Variants in DNER observed in about 807,000 individuals in gnomAD.
DNER encodes delta and Notch-like epidermal growth factor-related receptor.
In DNER, 33 loss-of-function variants were observed where a neutral mutation model predicts 78.2. The observed-to-expected ratio is 0.42, with a 90% confidence interval of 0.32 to 0.56. DNER has a LOEUF of 0.56. Ranked by LOEUF, DNER falls within the 20% of genes least tolerant of loss-of-function variation. DNER has a pLI of 0.11. For synonymous variants in DNER, 417 were observed against 384.8 expected (o/e 1.08, Z -0.98); for missense variants, 918 against 975.3 (o/e 0.94, Z 0.78).
At position 229,492,732 on chromosome 2, in the gene DNER, A is replaced by T. The variant is rs570422277; in HGVS notation, c.1148-15479T>A. Among the ~76,000 whole-genome samples the T allele has an allele frequency of 1.2e-4, 18 of 152,284 alleles. 1 individual carries two copies. In the South Asian group the frequency reaches 3.7e-3, roughly 32 times the overall value. On this transcript the variant is annotated intron_variant, in intron 6 of 12. Coordinates refer to ENST00000341772, the MANE Select transcript of DNER (RefSeq NM_139072.4). ...CACCCAGGTTGGAGTGCAGTAGCAC[A>T]ATCATAGTTCACTGCAGCCTCAAAC... is the stretch of plus-strand genomic sequence containing the variant.
rs193030218 is a variant in DNER at position 229,534,615 on chromosome 2, A to G, written c.993+12332T>C. On this transcript the variant is annotated intron_variant, in intron 5 of 12. Transcript: ENST00000341772. ...TGTATTTTCTTCTTAGACTTCAACC[A>G]AAACAACATACTGCAACAGATTGAA... Among the ~76,000 whole-genome samples the G allele has an allele frequency of 3.1e-3, 471 of 152,362 alleles. 5 individuals are homozygous for G. Among genetic ancestry groups the G allele is most frequent in the African/African-American group, 0.011 (454 of 41,588 alleles).
intron 6 of DNER, among the ~76,000 whole-genome samples, chr2:229,508,425 A>T (rs73103783): frequency 6.6e-6 from 1 of 152,182 alleles, no homozygotes; most frequent in African/African-American, 2.4e-5. Context: ...GAACTCCAAC[A>T]CTATGGATGT....
At chr2:229,473,976 G>T (rs1694981796) in intron 7 of DNER, among the ~76,000 whole-genome samples, 1 of 152,110 alleles carries the variant, frequency 6.6e-6, no homozygotes, top group African/African-American at 2.4e-5. Flanking sequence ...CACAATCTCG[G>T]TTCACTGCAA....
intron 6 of DNER, among the ~76,000 whole-genome samples, chr2:229,497,423 G>A (rs1695521628): frequency 6.6e-6 from 1 of 151,330 alleles, no homozygotes. Flanking sequence ...GTTAATATAA[G>A]GAAGGAAATA....
intron 11 of DNER, among the ~76,000 whole-genome samples, chr2:229,386,656 T>C (rs138669132): frequency 0.03 from 4,454 of 147,800 alleles, 96 homozygotes; most frequent in African/African-American, 0.061. Flanking sequence ...CATCAAAAAG[T>C]GGGCAAAAGG....
chr2:229,578,251 T>C (rs1216118515), intron 4 of DNER, among the ~76,000 whole-genome samples: 2 of 152,150 alleles, frequency 1.3e-5, no homozygotes, highest in Admixed American at 6.5e-5. Flanking sequence ...ATCTCGTCCC[T>C]ATCACCCTGA....
intron 1 of DNER, among the ~76,000 whole-genome samples, chr2:229,617,770 A>G (rs147803465): frequency 0.022 from 3,345 of 151,952 alleles, 50 homozygotes; most frequent in Middle Eastern, 0.034. Flanking sequence ...CCTGAGCAAC[A>G]TGGCAAACCC....
At chr2:229,362,651 G>T (rs2106324522) in intron 12 of DNER, among the ~76,000 whole-genome samples, 1 of 152,334 alleles carries the variant, frequency 6.6e-6, no homozygotes, top group East Asian at 1.9e-4. Flanking sequence ...ATTCTTGTGA[G>T]ATGCTTGCCA....
At chr2:229,632,575 A>G (rs548156696) in intron 1 of DNER, among the ~76,000 whole-genome samples, 2 of 152,336 alleles carry the variant, frequency 1.3e-5, no homozygotes, top group Non-Finnish European at 2.9e-5. Flanking sequence ...GCAGGATGGG[A>G]GGCTGGAGCA....
chr2:229,693,911 A>G (rs565808014), intron 1 of DNER, among the ~76,000 whole-genome samples: 15 of 152,242 alleles, frequency 9.9e-5, no homozygotes, highest in Admixed American at 7.2e-4. Context: ...AACAATGGGA[A>G]AAATGTCTCC....
chr2:229,489,336 G>A (rs1695344716), intron 6 of DNER, among the ~76,000 whole-genome samples: 1 of 152,246 alleles, frequency 6.6e-6, no homozygotes, highest in African/African-American at 2.4e-5. Context: ...AGATAACTGA[G>A]ATGAGGGCGG....
intron 4 of DNER, among the ~76,000 whole-genome samples, chr2:229,574,410 A>G (rs181008138): frequency 9.8e-5 from 15 of 152,332 alleles, no homozygotes; most frequent in African/African-American, 1.2e-4. Flanking sequence ...ACCCTATACC[A>G]CCACAAAGAA....
At chr2:229,701,010 T>A (rs1002714108) in intron 1 of DNER, among the ~76,000 whole-genome samples, 4 of 152,184 alleles carry the variant, frequency 2.6e-5, no homozygotes, top group African/African-American at 9.7e-5. Context: ...CATATAAAAG[T>A]ATTTACATAG....
At chr2:229,407,630 A>G (rs1366508073) in intron 9 of DNER, among the ~76,000 whole-genome samples, 1 of 152,256 alleles carries the variant, frequency 6.6e-6, no homozygotes, top group Non-Finnish European at 1.5e-5. Flanking sequence ...AGAAAGTTAA[A>G]AGCCTGAAAG....
At chr2:229,507,316 T>TTGTACA (rs1274631695) in intron 6 of DNER, among the ~76,000 whole-genome samples, 3 of 151,638 alleles carry the variant, frequency 2.0e-5, no homozygotes, top group Non-Finnish European at 4.4e-5. Context: ...ATTGTTACTG[T>TTGTACA]TGTACATGTA....
intron 1 of DNER, among the ~76,000 whole-genome samples, chr2:229,644,911 C>A (rs113267574): frequency 1.3e-3 from 196 of 152,288 alleles, no homozygotes; most frequent in Admixed American, 2.7e-3. Context: ...CTGTTGACAT[C>A]TGCAGGGTGT....
chr2:229,402,144 G>GGA (rs398039886), intron 10 of DNER, among the ~76,000 whole-genome samples: 3 of 57,832 alleles, frequency 5.2e-5, no homozygotes, highest in Non-Finnish European at 1.0e-4. Flanking sequence ...AACCATAAAA[G>GGA]AAAAAAAATT....
chr2:229,517,337 T>C (rs961749014), intron 5 of DNER, among the ~76,000 whole-genome samples: 3 of 151,932 alleles, frequency 2.0e-5, no homozygotes, highest in East Asian at 3.9e-4. Flanking sequence ...AATGAGAAAG[T>C]GGTATAGTAA....
chr2:229,398,390 T>C (rs1693195956), intron 10 of DNER, among the ~76,000 whole-genome samples: 1 of 152,144 alleles, frequency 6.6e-6, no homozygotes, highest in Admixed American at 6.5e-5. Flanking sequence ...CAGGTCCAAA[T>C]GCTTTCACTG....
Sources: gnomAD v4.1 joint callset for allele counts (sites outside exome capture counted in the v4.1 genomes callset) on GRCh38, gnomAD v4.1.1 for gene constraint, MANE v1.5 for transcripts, NCBI Gene and HGNC (gene_info 2026-07-23, HGNC 2026-07-21) for gene names.